The following PRSS38 variants were observed in gnomAD, a reference collection of about 807,000 sequenced individuals.
PRSS38 encodes serine protease 38, also known as marapsin 2.
PRSS38 carries 22 observed loss-of-function variants against 26.8 expected under a neutral mutation model. The observed-to-expected ratio is 0.82, with a 90% CI of 0.59 to 1.17. PRSS38 has a LOEUF of 1.17. PRSS38 is among the 50% of genes most tolerant of loss of function. The pLI is 0.00. For synonymous variants in PRSS38, 175 were observed against 172.1 expected, an observed-to-expected ratio of 1.02 and a Z score of -0.13; for missense variants, 427 against 422.7, an observed-to-expected ratio of 1.01 and a Z score of -0.09.
At chr1:227,823,276 G>A (rs1665027848) in intron 3 of PRSS38, among the ~76,000 whole-genome samples, 1 of 151,704 alleles carries the variant, frequency 6.6e-6, no homozygotes, top group South Asian at 2.1e-4. Context: ...TCCTTTTTAT[G>A]GCTGAGTAGT....
At chr1:227,820,532 T>G (rs995019727) in intron 3 of PRSS38, among the ~76,000 whole-genome samples, 4 of 152,066 alleles carry the variant, frequency 2.6e-5, no homozygotes, top group African/African-American at 9.7e-5. Flanking sequence ...TTAATGTATA[T>G]TACATTGATT....
In PRSS38 at chr1:227,816,423, A is replaced by G. The variant is rs1472441416; in HGVS notation, c.311+171A>G. On this transcript the variant is annotated intron_variant, in intron 2 of 4. Transcript: ENST00000366757. This position sits in a 1 kb window ranked among gnomAD's most constrained non-coding sequence, Gnocchi z 5.1. ...ACCAGTGAGGCTGGTCCCCAAACAC[A>G]CAGCTGGGTCCCCATTCTTGAGGCT... is the stretch of plus-strand genomic sequence containing the variant. Among the ~76,000 whole-genome samples the G allele has an allele frequency of 6.6e-6, 1 of 151,972 alleles. No individual in the cohort carries two copies. Among genetic ancestry groups the G allele is most frequent in the Non-Finnish European group, 1.5e-5 (1 of 67,958 alleles).
chr1:227,838,954 G>T (rs1665276815), intron 3 of PRSS38, among the ~76,000 whole-genome samples: 1 of 152,102 alleles, frequency 6.6e-6, no homozygotes, highest in Non-Finnish European at 1.5e-5. Context: ...CAAAGTGCTG[G>T]GATTACAGGC....
intron 3 of PRSS38, among the ~76,000 whole-genome samples, chr1:227,840,087 C>CA (rs758395849): frequency 5.9e-5 from 9 of 152,088 alleles, no homozygotes; most frequent in Non-Finnish European, 1.0e-4. Flanking sequence ...TTGCTTGGTT[C>CA]TGTGTTGTCT....
At chr1:227,845,491 A>G (rs1665413217) in exon 4 of PRSS38, 2 of 1,611,846 alleles carry the variant, frequency 1.2e-6, no homozygotes, top group Admixed American at 1.7e-5. Context: ...GACGAGCTGC[A>G]GGAGATGCAG....
At chr1:227,844,518 TTGTGGTGGAGCTCCTCCCTACA>T (rs548564039) in intron 3 of PRSS38, among the ~76,000 whole-genome samples, 10 of 146,946 alleles carry the variant, frequency 6.8e-5, no homozygotes, top group African/African-American at 2.5e-4. Context: ...TCCTTCCGGT[TTGTGGTGGAGCTCCTCCCTACA>T]TGTGGTGGGG....
chr1:227,819,844 A>T (rs962100783), intron 3 of PRSS38, among the ~76,000 whole-genome samples: 15 of 152,308 alleles, frequency 9.8e-5, no homozygotes, highest in African/African-American at 2.6e-4. Flanking sequence ...TAATCCCAGC[A>T]CTTTGGGAGG....
chr1:227,816,035 C>G lies in PRSS38; in HGVS notation c.149-55C>G. 1 of 1,576,802 alleles carries G rather than the reference C, an allele frequency of 6.3e-7. No individual in the cohort carries two copies. The highest frequency in any genetic ancestry group is 8.6e-7 in the Non-Finnish European group (1 of 1,156,724). On this transcript the variant is annotated intron_variant, in intron 1 of 4. Transcript: ENST00000366757. This position sits in a 1 kb window ranked among gnomAD's most constrained non-coding sequence, Gnocchi z 5.1. ...CCCTCCCCCACGTCCCCTGCCTGCCCTACCTCTCCCGTGGCCCCAGCATGG... is the reference window on the plus strand; with the variant it reads ...CCCTCCCCCACGTCCCCTGCCTGCCGTACCTCTCCCGTGGCCCCAGCATGG...
At chr1:227,826,377 C>T (rs1309531440) in intron 3 of PRSS38, among the ~76,000 whole-genome samples, 1 of 152,174 alleles carries the variant, frequency 6.6e-6, no homozygotes, top group South Asian at 2.1e-4. Flanking sequence ...ATTTCTTTCT[C>T]TTGCCTAATT....
chr1:227,826,343 T>A (rs912418434), intron 3 of PRSS38, among the ~76,000 whole-genome samples: 3 of 152,206 alleles, frequency 2.0e-5, no homozygotes, highest in Non-Finnish European at 4.4e-5. Flanking sequence ...TTTGACTACT[T>A]CTCTTCCTAT....
chr1:227,842,338 A>G (rs931202842), intron 3 of PRSS38, among the ~76,000 whole-genome samples: 4 of 152,040 alleles, frequency 2.6e-5, no homozygotes, highest in African/African-American at 7.2e-5. Flanking sequence ...ACTGAATGCC[A>G]TTTCATATGT....
intron 3 of PRSS38, among the ~76,000 whole-genome samples, chr1:227,841,476 T>G (rs1287402569): frequency 6.6e-6 from 1 of 152,250 alleles, no homozygotes; most frequent in Admixed American, 6.5e-5. Flanking sequence ...GACCCACTAG[T>G]GCAGTTCATT....
chr1:227,819,472 T>A (rs1664970434), intron 3 of PRSS38, among the ~76,000 whole-genome samples: 1 of 152,178 alleles, frequency 6.6e-6, no homozygotes, highest in South Asian at 2.1e-4. Context: ...TTTGTCTATA[T>A]CCAAAAGTAT....
At chr1:227,833,133 C>T (rs957939651) in intron 3 of PRSS38, among the ~76,000 whole-genome samples, 9 of 152,226 alleles carry the variant, frequency 5.9e-5, no homozygotes, top group African/African-American at 2.2e-4. Flanking sequence ...AAACACAGTC[C>T]TTATCAAGAT....
intron 3 of PRSS38, among the ~76,000 whole-genome samples, chr1:227,822,096 G>A (rs1194347920): frequency 6.6e-6 from 1 of 151,806 alleles, no homozygotes; most frequent in Non-Finnish European, 1.5e-5. Flanking sequence ...GCTCTCTTGT[G>A]CTTGCTCAAA....
chr1:227,844,904 G>A (rs1665397891), intron 3 of PRSS38, among the ~76,000 whole-genome samples: 1 of 116,920 alleles, frequency 8.6e-6, no homozygotes, highest in African/African-American at 3.1e-5. Context: ...TACGGTCAGG[G>A]CTCCTCCCTA....
chr1:227,831,636 A>G (rs1665155123), intron 3 of PRSS38, among the ~76,000 whole-genome samples: 1 of 152,186 alleles, frequency 6.6e-6, no homozygotes, highest in Non-Finnish European at 1.5e-5. Flanking sequence ...ACACTCCACA[A>G]GGTCAGGAGA....
At chr1:227,845,109 C>G (rs1258032349) in intron 3 of PRSS38, among the ~76,000 whole-genome samples, 2 of 147,238 alleles carry the variant, frequency 1.4e-5, no homozygotes, top group East Asian at 2.1e-4. Context: ...AGGACTCCTC[C>G]CTATGTGTGG....
chr1:227,830,891 A>G (rs925301497), intron 3 of PRSS38, among the ~76,000 whole-genome samples: 1 of 152,042 alleles, frequency 6.6e-6, no homozygotes, highest in Non-Finnish European at 1.5e-5. Flanking sequence ...GTAATATTTC[A>G]TCTTTTCTGA....
Sources: allele counts gnomAD v4.1 joint callset (sites outside exome capture counted in the v4.1 genomes callset), GRCh38; gene constraint gnomAD v4.1.1; non-coding constraint Gnocchi (gnomAD v3.1); transcripts MANE v1.5; gene names NCBI Gene and HGNC (gene_info 2026-07-23, HGNC 2026-07-21).